XIRP2: variants seen among roughly 807,000 people sequenced by gnomAD.
The protein encoded by XIRP2 is xin actin-binding repeat-containing protein 2.
Under a neutral mutation model 277.0 loss-of-function variants are expected in XIRP2, and 236 were observed. The observed-to-expected ratio is 0.85, with a 90% CI of 0.77 to 0.95. XIRP2 has a LOEUF of 0.95. Ranked by LOEUF, XIRP2 falls within the 40% of genes least tolerant of loss-of-function variation. The pLI, the probability that XIRP2 is intolerant of heterozygous loss-of-function variation, is 0.00. For synonymous variants in XIRP2, 1,490 were observed against 1,416.5 expected, an observed-to-expected ratio of 1.05 and a Z score of -1.17; for missense variants, 4,640 against 4,157.5, an observed-to-expected ratio of 1.12 and a Z score of -3.19.
intron 2 of XIRP2, among the ~76,000 whole-genome samples, chr2:167,115,361 A>C (rs73015935): frequency 0.067 from 10,126 of 152,144 alleles, 641 homozygotes; most frequent in African/African-American, 0.16. Flanking sequence ...TATTTCTGTC[A>C]TTTCAACCCA....
intron 2 of XIRP2, among the ~76,000 whole-genome samples, chr2:167,116,934 TAA>T (rs1464552502): frequency 1.3e-5 from 2 of 152,198 alleles, no homozygotes; most frequent in African/African-American, 2.4e-5. Context: ...AGAAAATGGA[TAA>T]GTGTCCTTTG....
intron 2 of XIRP2, among the ~76,000 whole-genome samples, chr2:167,110,628 T>C (rs2105294449): frequency 6.6e-6 from 1 of 152,254 alleles, no homozygotes; most frequent in East Asian, 1.9e-4. Context: ...CTTTGTTCTT[T>C]TTGCTTTGGA....
chr2:167,188,529 G>A (rs1032680869), intron 3 of XIRP2, among the ~76,000 whole-genome samples: 6 of 152,134 alleles, frequency 3.9e-5, no homozygotes, highest in African/African-American at 1.2e-4. Context: ...ATTTACCTTG[G>A]CGACATTCAG....
At position 167,250,621 on chromosome 2, in the gene XIRP2, G is replaced by A; in HGVS notation, c.9229G>A (p.Glu3077Lys). The A allele has an allele frequency of 6.2e-7, 1 of 1,613,244 alleles. No individual in the cohort carries two copies. The highest frequency in any genetic ancestry group is 8.5e-7 in the Non-Finnish European group (1 of 1,179,640). Reference protein sequence around the residue: ...SEQKENKIAKEKTVQHQVAAH... With the variant: ...SEQKENKIAKKKTVQHQVAAH... The stretch of plus-strand genomic sequence containing the variant: ...ACAGAAAGAAAATAAAATTGCCAAA[G>A]AGAAAACAGTACAGCACCAAGTAGC... The change falls in exon 9 of 11, where the codon GAG (glutamate) becomes AAG (lysine). Residue 3077 changes from glutamate to lysine, a missense_variant. Coordinates refer to ENST00000409195, the MANE Select transcript of XIRP2 (RefSeq NM_152381.6).
chr2:167,199,285 A>G (rs1223654607), intron 3 of XIRP2, among the ~76,000 whole-genome samples: 2 of 152,246 alleles, frequency 1.3e-5, no homozygotes, highest in Admixed American at 1.3e-4. Context: ...TAAATGATTA[A>G]CATTCCTACC....
At chr2:167,103,088 C>G (rs1373717538) in intron 2 of XIRP2, among the ~76,000 whole-genome samples, 2 of 151,812 alleles carry the variant, frequency 1.3e-5, no homozygotes, top group African/African-American at 2.4e-5. Context: ...ACAGTCAGTT[C>G]AGATCGCGCC....
intron 1 of XIRP2, chr2:166,889,800 C>T (rs940388582): frequency 6.9e-5 from 8 of 115,830 alleles, no homozygotes; most frequent in African/African-American, 2.2e-4. Flanking sequence ...TCATTTTCTT[C>T]ATTTTCATTC....
At chr2:166,987,974 A>T (rs1447161627) in intron 2 of XIRP2, among the ~76,000 whole-genome samples, 1 of 152,248 alleles carries the variant, frequency 6.6e-6, no homozygotes, top group Non-Finnish European at 1.5e-5. Flanking sequence ...AGAATGCACA[A>T]TGGAAATATA....
intron 2 of XIRP2, among the ~76,000 whole-genome samples, chr2:166,959,515 T>C (rs1033689435): frequency 4.0e-5 from 6 of 151,806 alleles, no homozygotes; most frequent in Non-Finnish European, 7.4e-5. Flanking sequence ...TATGAAGTGT[T>C]TCCCTCATTC....
At chr2:167,225,180 G>A (rs1694555713) in intron 5 of XIRP2, among the ~76,000 whole-genome samples, 1 of 152,126 alleles carries the variant, frequency 6.6e-6, no homozygotes, top group South Asian at 2.1e-4. Flanking sequence ...TGCTTTTGAA[G>A]ACTGCTTTAT....
At chr2:167,194,874 A>C (rs73970885) in intron 3 of XIRP2, among the ~76,000 whole-genome samples, 4,705 of 152,280 alleles carry the variant, frequency 0.031, 240 homozygotes, top group African/African-American at 0.11. Context: ...TCCCTGGCAC[A>C]TAGTAAGTGC....
chr2:167,226,036 T>A (rs1289903532), intron 5 of XIRP2, among the ~76,000 whole-genome samples: 4 of 152,184 alleles, frequency 2.6e-5, no homozygotes, highest in Admixed American at 1.3e-4. Flanking sequence ...AGAATTCAGA[T>A]GACTGAAATT....
chr2:166,983,947 T>C (rs1444575930), intron 2 of XIRP2, among the ~76,000 whole-genome samples: 3 of 152,154 alleles, frequency 2.0e-5, no homozygotes, highest in Admixed American at 6.5e-5. Context: ...CTTTGCTAGT[T>C]CCTTCAACCA....
At chr2:167,256,915 A>AT (rs1695672945) in intron 10 of XIRP2, among the ~76,000 whole-genome samples, 1 of 151,292 alleles carries the variant, frequency 6.6e-6, no homozygotes, top group Non-Finnish European at 1.5e-5. Flanking sequence ...CTACTCTCCT[A>AT]TTTTTTCTCA....
intron 2 of XIRP2, among the ~76,000 whole-genome samples, chr2:167,007,713 A>T (rs866004621): frequency 0.046 from 6,904 of 149,302 alleles, 234 homozygotes; most frequent in Middle Eastern, 0.14. Context: ...TCACACACAC[A>T]CACACACACA....
chr2:167,119,637 G>A (rs886731350), intron 2 of XIRP2, among the ~76,000 whole-genome samples: 1 of 152,130 alleles, frequency 6.6e-6, no homozygotes, highest in African/African-American at 2.4e-5. Context: ...GCATTTGATA[G>A]GTGCCCAATG....
chr2:167,089,277 G>A (rs576333778), intron 2 of XIRP2, among the ~76,000 whole-genome samples: 1 of 152,190 alleles, frequency 6.6e-6, no homozygotes, highest in South Asian at 2.1e-4. Context: ...CATTATTAGA[G>A]ATTTTTTCCG....
Position 167,247,618 on chromosome 2 carries a change from G to A in XIRP2, c.6226G>A (p.Asp2076Asn), listed in dbSNP as rs756779738. 1 of 1,613,664 alleles carries A rather than the reference G, an allele frequency of 6.2e-7. No homozygotes were observed. The highest frequency in any genetic ancestry group is 1.1e-5 in the South Asian group (1 of 91,072). ...TDTTGEQHLRDEYMSRQLTST... is the reference protein window; with the variant it reads ...TDTTGEQHLRNEYMSRQLTST... Reference sequence around the variant, plus strand: ...TACTACAGGAGAACAGCATCTTAGAGATGAATATATGAGCAGACAATTAAC... The same window carrying A: ...TACTACAGGAGAACAGCATCTTAGAAATGAATATATGAGCAGACAATTAAC... Residue 2076 changes from aspartate to asparagine, a missense_variant, in exon 9 of 11, where the codon GAT (aspartate) becomes AAT (asparagine). Asp to Asn is a conservative substitution (Grantham distance 23). Coordinates refer to ENST00000409195, the MANE Select transcript of XIRP2 (RefSeq NM_152381.6).
intron 3 of XIRP2, among the ~76,000 whole-genome samples, chr2:167,152,626 C>CT (rs1692050057): frequency 6.6e-6 from 1 of 151,916 alleles, no homozygotes; most frequent in Admixed American, 6.6e-5. Flanking sequence ...GATTTGATGG[C>CT]TTTTTTACCC....
Sources: gnomAD v4.1 joint callset for allele counts (sites outside exome capture counted in the v4.1 genomes callset) on GRCh38, gnomAD v4.1.1 for gene constraint, MANE v1.5 for transcripts, NCBI Gene and HGNC (gene_info 2026-07-23, HGNC 2026-07-21) for gene names.